The following ADARB2 variants were observed in gnomAD, a reference collection of about 807,000 sequenced individuals.
ADARB2 encodes adenosine deaminase RNA specific B2 (inactive).
In ADARB2, 25 loss-of-function variants were observed where a neutral mutation model predicts 62.2. The observed-to-expected ratio is 0.40, with a 90% CI of 0.29 to 0.56. The LOEUF (loss-of-function observed/expected upper bound fraction) is 0.56, where lower values mean the gene tolerates loss of function less well. Among genes scored for constraint, ADARB2 ranks in the 20% least tolerant of loss-of-function variants. The pLI is 0.43. For missense variants in ADARB2, 1,071 were observed against 1,077.4 expected, an observed-to-expected ratio of 0.99 and a Z score of 0.08; for synonymous variants, 572 against 500.8, an observed-to-expected ratio of 1.14 and a Z score of -1.90.
At chr10:1,196,206 CTTTTTTTT>C (rs10665720) in intron 8 of ADARB2, among the ~76,000 whole-genome samples, 1 of 120,928 alleles carries the variant, frequency 8.3e-6, no homozygotes, top group Non-Finnish European at 1.7e-5. Context: ...CTTCTTTTGC[CTTTTTTTT>C]TTTTTTTTTT....
chr10:1,280,662 A>G (rs1831362435), intron 3 of ADARB2, among the ~76,000 whole-genome samples: 2 of 147,182 alleles, frequency 1.4e-5, no homozygotes, highest in South Asian at 4.3e-4. Flanking sequence ...GCTCCGTGAT[A>G]TTCCTGAGTG....
intron 1 of ADARB2, among the ~76,000 whole-genome samples, chr10:1,594,305 AAAC>A (rs979786058): frequency 2.6e-5 from 4 of 152,134 alleles, no homozygotes; most frequent in African/African-American, 7.2e-5. Context: ...GAAAATCAAA[AAAC>A]AAACAAAACA....
intron 1 of ADARB2, among the ~76,000 whole-genome samples, chr10:1,520,033 A>G (rs536822430): frequency 6.6e-6 from 1 of 152,226 alleles, no homozygotes; most frequent in Non-Finnish European, 1.5e-5. Context: ...AAGAGGCTCT[A>G]CTGAGCACTT....
chr10:1,322,476 G>C (rs1040210120), intron 3 of ADARB2, among the ~76,000 whole-genome samples: 1 of 152,138 alleles, frequency 6.6e-6, no homozygotes, highest in African/African-American at 2.4e-5. Context: ...AATTAATCTA[G>C]GTAGTTTAGG....
At chr10:1,298,587 C>CT (rs1831544423) in intron 3 of ADARB2, among the ~76,000 whole-genome samples, 1 of 152,090 alleles carries the variant, frequency 6.6e-6, no homozygotes, top group Admixed American at 6.6e-5. Context: ...GGAAGGGCCT[C>CT]TTTTTTGGAA....
chr10:1,680,978 C>T (rs931070870), intron 1 of ADARB2, among the ~76,000 whole-genome samples: 2 of 152,214 alleles, frequency 1.3e-5, no homozygotes, highest in African/African-American at 2.4e-5. Flanking sequence ...AGTATTCTCA[C>T]GCCAATAGTG....
At chr10:1,633,554 ATCTATCTATC>A (rs1564353008) in intron 1 of ADARB2, among the ~76,000 whole-genome samples, 41 of 71,076 alleles carry the variant, frequency 5.8e-4, no homozygotes, top group South Asian at 1.5e-3. Flanking sequence ...TCTATCATCT[ATCTATCTATC>A]TATCTATCTA....
At chr10:1,264,032 G>A (rs1395676596) in intron 4 of ADARB2, among the ~76,000 whole-genome samples, 1 of 151,962 alleles carries the variant, frequency 6.6e-6, no homozygotes, top group Non-Finnish European at 1.5e-5. Flanking sequence ...AAAATCAATT[G>A]CCCATCAGCG....
Position 1,540,588 on chromosome 10 carries a change from A to T in ADARB2, c.101-161428T>A, listed in dbSNP as rs1832408460. Among the ~76,000 whole-genome samples, 2 of 69,748 alleles carry T rather than the reference A, an allele frequency of 2.9e-5. 1 individual carries two copies. Among genetic ancestry groups the T allele is most frequent in the African/African-American group, 1.1e-4 (2 of 18,124 alleles). The allele number at this position is 69,748 out of a possible 152,430, so 45.8% of individuals were successfully genotyped here. A position where few individuals can be genotyped will look rare whatever the true frequency, so the allele number is the denominator to read the frequency against. ...CACTCAGATGTAGTTCAGACCCTGGATCCGTCCAGACCCCACTCAGACGCA... is the reference window on the plus strand; with the variant it reads ...CACTCAGATGTAGTTCAGACCCTGGTTCCGTCCAGACCCCACTCAGACGCA... On this transcript the variant is annotated intron_variant, in intron 1 of 9. Transcript: ENST00000381312.
At position 1,183,220 on chromosome 10, in the gene ADARB2, C is replaced by T; in HGVS notation, c.2193G>A (p.Glu731=). 6.2e-7 allele frequency: 1 copy of T among 1,613,642 alleles called. No individual in the cohort carries two copies. Among genetic ancestry groups the T allele is most frequent in the Non-Finnish European group, 8.5e-7 (1 of 1,180,014 alleles). Residue 731 remains glutamate (E), a synonymous_variant, in exon 10 of 10, where the codon GAG becomes GAA. Transcript: ENST00000381312. ...AGAGAGTCAGTAGAAACTGCTGCTGCTCCGGTGGTTTCCTCACCCAGGTGC... is the reference window on the plus strand; with the variant it reads ...AGAGAGTCAGTAGAAACTGCTGCTGTTCCGGTGGTTTCCTCACCCAGGTGC... The part of the protein sequence containing the change: ...GLGTWVRKPP[E]QQQFLLTL
chr10:1,425,622 A>G (rs1832888030), intron 1 of ADARB2, among the ~76,000 whole-genome samples: 1 of 152,158 alleles, frequency 6.6e-6, no homozygotes. Flanking sequence ...CTTGTAGAAG[A>G]TGGTTGGATC....
Position 1,261,620 on chromosome 10 carries a change from A to T in ADARB2, c.1192+9335T>A, listed in dbSNP as rs577701102. Among the ~76,000 whole-genome samples, 5 of 148,792 alleles carry T rather than the reference A, an allele frequency of 3.4e-5. No homozygotes were observed. The South Asian group carries it at 1.0e-3, about 31-fold the overall frequency. On this transcript the variant is annotated intron_variant, in intron 4 of 9. Transcript: ENST00000381312. The stretch of plus-strand genomic sequence containing the variant: ...ATGAGATACCATCTCACACCAGGCA[A>T]TCATTAAAAAGTCAGGAAACAACAG...
intron 1 of ADARB2, among the ~76,000 whole-genome samples, chr10:1,380,415 C>T (rs1010205309): frequency 6.6e-6 from 1 of 152,228 alleles, no homozygotes; most frequent in African/African-American, 2.4e-5. Context: ...TTTACATCAC[C>T]CTGTAACAAG....
chr10:1,315,254 G>A (rs1004531104), intron 3 of ADARB2, among the ~76,000 whole-genome samples: 1 of 152,196 alleles, frequency 6.6e-6, no homozygotes, highest in Admixed American at 6.5e-5. Context: ...GGTGCTGCAG[G>A]TGACAGGGTG....
Position 1,363,417 on chromosome 10 carries a change from G to C in ADARB2, c.688C>G (p.Pro230Ala), listed in dbSNP as rs1432617822. 1 of 1,368,146 alleles carries C rather than the reference G, an allele frequency of 7.3e-7. No homozygotes were observed. The highest frequency in any genetic ancestry group is 1.9e-4 in the Middle Eastern group (1 of 5,216). The allele number at this position is 1,368,146 out of a possible 1,614,324, so 84.8% of individuals were successfully genotyped here. Residue 230 changes from proline (P) to alanine (A), a missense_variant, in exon 3 of 10, where the codon CCG (proline) becomes GCG (alanine). Pro to Ala is a conservative substitution (Grantham distance 27). Coordinates refer to ENST00000381312, the MANE Select transcript of ADARB2 (RefSeq NM_018702.4). ...PDTLFQEFEP[P>A]APRPGLAGGR... ...CCCGCGAGTCCGGGGCGCGGCGCCG[G>C]GGGCTCGAACTCCTGGAAGAGCGTG...
chr10:1,196,215 T>G (rs1228820183), intron 8 of ADARB2, among the ~76,000 whole-genome samples: 3 of 151,398 alleles, frequency 2.0e-5, no homozygotes, highest in Non-Finnish European at 4.4e-5. Flanking sequence ...CCTTTTTTTT[T>G]TTTTTTTTTT....
At position 1,585,982 on chromosome 10, in the gene ADARB2, C is replaced by T. The variant is rs1460385337; in HGVS notation, c.100+151069G>A. ...CTGGGAGGCGGAGCTTGCAGTGAGC[C>T]AAGATAGCGCCACTGCACTCCAGCC... On this transcript the variant is annotated intron_variant, in intron 1 of 9. Coordinates refer to ENST00000381312, the MANE Select transcript of ADARB2 (RefSeq NM_018702.4). 4.6e-5 allele frequency among the ~76,000 whole-genome samples: 7 copies of T among 152,094 alleles called. No homozygotes were observed. In the East Asian group the frequency reaches 9.7e-4, roughly 21 times the overall value.
At chr10:1,224,367 A>T (rs1589156927) in intron 6 of ADARB2, among the ~76,000 whole-genome samples, 1 of 66,640 alleles carries the variant, frequency 1.5e-5, no homozygotes, top group South Asian at 7.2e-4. Flanking sequence ...TGATCTTTTC[A>T]AAAAAACAGC....
intron 1 of ADARB2, among the ~76,000 whole-genome samples, chr10:1,692,099 T>A (rs1454416486): frequency 6.6e-6 from 1 of 152,230 alleles, no homozygotes; most frequent in African/African-American, 2.4e-5. Flanking sequence ...AATCCCATTG[T>A]GTGTTCAGTA....
Sources: gnomAD v4.1 joint callset for allele counts (sites outside exome capture counted in the v4.1 genomes callset) on GRCh38, gnomAD v4.1.1 for gene constraint, MANE v1.5 for transcripts, NCBI Gene and HGNC (gene_info 2026-07-23, HGNC 2026-07-21) for gene names.